Variants in ARMC9 observed in about 807,000 individuals in gnomAD.
ARMC9 encodes the protein lisH domain-containing protein ARMC9.
Under a neutral mutation model 107.0 loss-of-function variants are expected in ARMC9, and 94 were observed. The ratio of observed to expected loss-of-function variants is 0.88; its 90% CI spans 0.74 to 1.04. The LOEUF is 1.04. ARMC9 is among the 50% of genes least tolerant of loss of function. The probability of loss-of-function intolerance (pLI) is 0.00; values close to 1 mark genes in which losing one functional copy is unlikely to be tolerated. For missense variants in ARMC9, 942 were observed against 1,030.1 expected (o/e 0.91, Z 1.17); for synonymous variants, 380 against 396.9 (o/e 0.96, Z 0.51).
intron 16 of ARMC9, among the ~76,000 whole-genome samples, chr2:231,281,561 C>T (rs1291585627): frequency 2.0e-5 from 3 of 151,866 alleles, no homozygotes; most frequent in Non-Finnish European, 4.4e-5. Context: ...TGGTAGTGAT[C>T]GATGGTTACA....
intron 1 of ARMC9, among the ~76,000 whole-genome samples, chr2:231,205,218 A>AAT (rs1189761574): frequency 2.0e-5 from 3 of 152,008 alleles, no homozygotes; most frequent in Admixed American, 1.3e-4. Context: ...AAAAAAAAAA[A>AAT]AATTACCTGG....
At chr2:231,206,878 T>G (rs573656219) in intron 2 of ARMC9, among the ~76,000 whole-genome samples, 1 of 152,224 alleles carries the variant, frequency 6.6e-6, no homozygotes, top group African/African-American at 2.4e-5. Flanking sequence ...GCTGCTTAAC[T>G]GTGTGAGTAA....
intron 23 of ARMC9, among the ~76,000 whole-genome samples, chr2:231,369,303 A>G (rs1210996256): frequency 6.7e-6 from 1 of 149,164 alleles, no homozygotes; most frequent in Non-Finnish European, 1.5e-5. Context: ...TTTTTATTTT[A>G]TTTTTTTGAG....
intron 21 of ARMC9, among the ~76,000 whole-genome samples, chr2:231,346,468 C>T (rs1039847746): frequency 7.9e-5 from 12 of 152,310 alleles, no homozygotes; most frequent in Admixed American, 3.9e-4. Flanking sequence ...TTGCAGTGAG[C>T]TGAGATCTCG....
chr2:231,316,672 A>AT (rs2042702509), intron 19 of ARMC9, among the ~76,000 whole-genome samples: 1 of 151,890 alleles, frequency 6.6e-6, no homozygotes. Flanking sequence ...CTCAAAAAAA[A>AT]AAAAGAAAGA....
At chr2:231,247,213 C>G (rs2036853946) in intron 9 of ARMC9, among the ~76,000 whole-genome samples, 1 of 152,178 alleles carries the variant, frequency 6.6e-6, no homozygotes, top group South Asian at 2.1e-4. Flanking sequence ...CCTCGGCCTC[C>G]CAAAGTGCTG....
intron 7 of ARMC9, among the ~76,000 whole-genome samples, chr2:231,234,524 C>T (rs1027897206): frequency 6.6e-6 from 1 of 152,138 alleles, no homozygotes; most frequent in Non-Finnish European, 1.5e-5. Flanking sequence ...GTCCCCCAGA[C>T]AACTTCATAA....
intron 19 of ARMC9, among the ~76,000 whole-genome samples, chr2:231,329,544 G>A (rs916607618): frequency 1.3e-5 from 2 of 151,216 alleles, no homozygotes; most frequent in African/African-American, 4.9e-5. Flanking sequence ...ACTGACCTCA[G>A]GTGATCCGCC....
chr2:231,265,758 G>A (rs954310229), intron 12 of ARMC9, among the ~76,000 whole-genome samples: 3 of 151,770 alleles, frequency 2.0e-5, no homozygotes, highest in Non-Finnish European at 4.4e-5. Context: ...TGTAATCCCA[G>A]CACTTTGGGA....
rs76227698 is a variant in ARMC9, at chr2:231,271,442, G to A, written c.1210+370G>A. ...ACAATTACGGCAAAATAAGCTTAGC[G>A]AAACAAAGCAGACTCCAATAAACAC... is the stretch of plus-strand genomic sequence containing the variant. On this transcript the variant is annotated intron_variant, in intron 13 of 24. Coordinates refer to ENST00000611582, the MANE Select transcript of ARMC9 (RefSeq NM_001352754.2). 3.9e-3 allele frequency among the ~76,000 whole-genome samples: 593 copies of A among 152,162 alleles called. 4 individuals are homozygous for A. Among genetic ancestry groups the A allele is most frequent in the African/African-American group, 0.013 (555 of 41,530 alleles).
chr2:231,342,917 T>TTTTTTG (rs1324165392), intron 20 of ARMC9, among the ~76,000 whole-genome samples: 2 of 151,938 alleles, frequency 1.3e-5, no homozygotes, highest in African/African-American at 2.4e-5. Flanking sequence ...AGGGCAGGGT[T>TTTTTTG]TTTTTGTTTT....
At chr2:231,226,369 A>T (rs75493385) in intron 6 of ARMC9, among the ~76,000 whole-genome samples, 64 of 152,350 alleles carry the variant, frequency 4.2e-4, no homozygotes, top group Non-Finnish European at 7.2e-4. Context: ...TGCTGTTTTC[A>T]CCTCAATATC....
intron 17 of ARMC9, among the ~76,000 whole-genome samples, chr2:231,285,593 C>T (rs2040532475): frequency 6.6e-6 from 1 of 151,588 alleles, no homozygotes; most frequent in Non-Finnish European, 1.5e-5. Context: ...TTGTAGTGAG[C>T]TGAGATCATG....
At chr2:231,359,803 G>T (rs2045494539) in intron 22 of ARMC9, among the ~76,000 whole-genome samples, 1 of 152,202 alleles carries the variant, frequency 6.6e-6, no homozygotes, top group Non-Finnish European at 1.5e-5. Context: ...CCACCCGCTG[G>T]GTTCTGGTAT....
chr2:231,366,008 G>T (rs1460150959), intron 23 of ARMC9, among the ~76,000 whole-genome samples: 1 of 152,148 alleles, frequency 6.6e-6, no homozygotes, highest in Non-Finnish European at 1.5e-5. Context: ...ATGTCCTAGG[G>T]AGAGGGGGAC....
At chr2:231,216,505 T>G in intron 4 of ARMC9, 133 bp from the exon 5 acceptor site, 1 of 994,242 alleles carries the variant, frequency 1.0e-6, no homozygotes, top group Non-Finnish European at 1.5e-6. Flanking sequence ...CTAGAGACAA[T>G]GCACCTGCCA....
intron 19 of ARMC9, among the ~76,000 whole-genome samples, chr2:231,300,745 T>C (rs2041670936): frequency 6.6e-6 from 1 of 152,150 alleles, no homozygotes; most frequent in South Asian, 2.1e-4. Context: ...TTGTGAGACA[T>C]ACATGAATGC....
chr2:231,346,134 TA>T lies in ARMC9; in HGVS notation c.1994+1045del, dbSNP rs2044803278. ...TGATATGCTTATATTTCTAGGTGTT[TA>T]TTTTTAGTTACTGATGTATAAACTA... On this transcript the variant is annotated intron_variant, in intron 21 of 24. Transcript: ENST00000611582. 2.6e-5 allele frequency among the ~76,000 whole-genome samples: 4 copies of T among 152,368 alleles called. No individual in the cohort carries two copies. The South Asian group carries it at 8.3e-4, about 32-fold the overall frequency.
rs1273878401 is a variant in ARMC9 at position 231,362,750 on chromosome 2, CAT to C, written c.2261+1870_2261+1871del. On this transcript the variant is annotated intron_variant, in intron 23 of 24. Transcript: ENST00000611582. This position sits in a 1 kb window ranked among gnomAD's most constrained non-coding sequence, Gnocchi z 4.7. ...CTAGATGAGAGATATATATATACCT[CAT>C]ATGTATATGGTATACCTCATCTAGA... 2.0e-5 allele frequency: 3 copies of C among 153,216 alleles called. No homozygotes were observed. The highest frequency in any genetic ancestry group is 7.3e-5 in the African/African-American group (3 of 41,106). 9.5% of individuals were successfully genotyped at this position (153,216 alleles called of 1,614,324 possible).
Sources: gnomAD v4.1 joint callset for allele counts (sites outside exome capture counted in the v4.1 genomes callset) on GRCh38, gnomAD v4.1.1 for gene constraint, Gnocchi (gnomAD v3.1) non-coding constraint, MANE v1.5 for transcripts, NCBI Gene and HGNC (gene_info 2026-07-23, HGNC 2026-07-21) for gene names.